Variants in AOAH observed in about 807,000 individuals in gnomAD.
The protein encoded by AOAH is acyloxyacyl hydrolase.
Under a neutral mutation model 92.2 loss-of-function variants are expected in AOAH, and 64 were observed. The ratio of observed to expected loss-of-function variants is 0.69; its 90% CI spans 0.57 to 0.86. The LOEUF (loss-of-function observed/expected upper bound fraction) is 0.86, where lower values mean the gene tolerates loss of function less well. Among genes scored for constraint, AOAH ranks in the 40% least tolerant of loss-of-function variants. The pLI is 0.00. For missense variants in AOAH, 656 were observed against 694.6 expected (o/e 0.94, Z 0.62); for synonymous variants, 263 against 254.5 (o/e 1.03, Z -0.32).
At position 36,532,759 on chromosome 7, in the gene AOAH, G is replaced by C. The variant is rs757161568; in HGVS notation, c.1307-415C>G. ...TGCATGGGGCACAGGGAACATTCGA[G>C]GTGGCGGTTGACCTAATCCCCTTTT... is the stretch of plus-strand genomic sequence containing the variant. On this transcript the variant is annotated intron_variant, in intron 16 of 20. Coordinates refer to ENST00000617537, the MANE Select transcript of AOAH (RefSeq NM_001637.4). Among the ~76,000 whole-genome samples, 5 of 152,300 alleles carry C rather than the reference G, an allele frequency of 3.3e-5. No individual in the cohort carries two copies. The South Asian group carries it at 1.0e-3, about 32-fold the overall frequency.
rs575251267 is a variant in AOAH, at chr7:36,718,347, C to A, written c.127+5675G>T. 1.1e-4 allele frequency among the ~76,000 whole-genome samples: 16 copies of A among 152,260 alleles called. 1 individual carries two copies. Among genetic ancestry groups the A allele is most frequent in the Middle Eastern group, 6.8e-3 (2 of 294 alleles). On this transcript the variant is annotated intron_variant, in intron 1 of 20. Transcript: ENST00000617537. Reference sequence around the variant, plus strand: ...GTGGAGAAGTTACAACTTTCATACACCGCTGGTAGAAATGTAAAATGGTGC... The same window carrying A: ...GTGGAGAAGTTACAACTTTCATACAACGCTGGTAGAAATGTAAAATGGTGC...
intron 2 of AOAH, among the ~76,000 whole-genome samples, chr7:36,684,906 C>CAAAAAAAAAAAAAAAAAAAAAAAA (rs57827044): frequency 1.7e-5 from 1 of 59,988 alleles, no homozygotes; most frequent in Non-Finnish European, 2.9e-5. Flanking sequence ...GACCTTGTCT[C>CAAAAAAAAAAAAAAAAAAAAAAAA]AAAAAAAAAA....
At chr7:36,688,468 AAATT>A (rs1284347846) in intron 1 of AOAH, among the ~76,000 whole-genome samples, 1 of 152,170 alleles carries the variant, frequency 6.6e-6, no homozygotes, top group East Asian at 1.9e-4. Flanking sequence ...GATAATAAAT[AAATT>A]ATTAGAGAGC....
intron 20 of AOAH, among the ~76,000 whole-genome samples, chr7:36,517,218 T>TTCTTTCTTTCTC (rs1562853989): frequency 1.6e-5 from 1 of 62,090 alleles, no homozygotes; most frequent in African/African-American, 4.6e-5. Context: ...TTCTTTCTCT[T>TTCTTTCTTTCTC]TCTTTCTGTC....
chr7:36,543,281 T>C (rs745328658), intron 15 of AOAH, among the ~76,000 whole-genome samples: 8 of 152,194 alleles, frequency 5.3e-5, no homozygotes, highest in South Asian at 2.1e-4. Context: ...TTGATTCCCA[T>C]ATGCACAGAA....
At position 36,523,464 on chromosome 7, in the gene AOAH, G is replaced by A. The variant is rs546254864; in HGVS notation, c.1523-1349C>T. The stretch of plus-strand genomic sequence containing the variant: ...CTAATAGGAAGCTCAGAGCTGCATC[G>A]ATGCTTAAACAGCACTCACTCTCAT... On this transcript the variant is annotated intron_variant, in intron 19 of 20. Transcript: ENST00000617537. Among the ~76,000 whole-genome samples, 118 of 152,224 alleles carry A rather than the reference G, an allele frequency of 7.8e-4. 1 individual carries two copies. Among genetic ancestry groups the A allele is most frequent in the Admixed American group, 5.3e-3 (81 of 15,278 alleles).
intron 3 of AOAH, among the ~76,000 whole-genome samples, chr7:36,670,811 T>G (rs376463191): frequency 4.6e-5 from 7 of 152,272 alleles, no homozygotes; most frequent in African/African-American, 1.7e-4. Flanking sequence ...TATGCCCGCT[T>G]GTCTCTTGTA....
chr7:36,650,198 C>G (rs911743824), intron 4 of AOAH, among the ~76,000 whole-genome samples: 25 of 152,208 alleles, frequency 1.6e-4, no homozygotes, highest in African/African-American at 4.6e-4. Context: ...GCAAGGACCC[C>G]TTGGTAACAA....
At chr7:36,653,176 A>G (rs1794685486) in intron 4 of AOAH, among the ~76,000 whole-genome samples, 1 of 152,190 alleles carries the variant, frequency 6.6e-6, no homozygotes, top group Non-Finnish European at 1.5e-5. Context: ...GTGTGCTGTG[A>G]GCTCATAGGG....
intron 3 of AOAH, among the ~76,000 whole-genome samples, chr7:36,671,631 CT>C (rs1562680692): frequency 2.3e-4 from 34 of 145,774 alleles, no homozygotes; most frequent in African/African-American, 8.7e-4. Flanking sequence ...GTGTGTGCAT[CT>C]GTGTGTGTGC....
Position 36,516,369 on chromosome 7 carries a change from G to C in AOAH, c.1600-2989C>G, listed in dbSNP as rs1311657578. ...CACACACCCCCACAGAAAGCACACA[G>C]ATACCACACACACCCCCACAGAAAG... On this transcript the variant is annotated intron_variant, in intron 20 of 20. Coordinates refer to ENST00000617537, the MANE Select transcript of AOAH (RefSeq NM_001637.4). This position sits in a 1 kb window ranked among gnomAD's most constrained non-coding sequence, Gnocchi z 5.0. 1.1e-5 allele frequency among the ~76,000 whole-genome samples: 1 copy of C among 92,186 alleles called. No individual in the cohort carries two copies. The highest frequency in any genetic ancestry group is 2.0e-5 in the Non-Finnish European group (1 of 50,020). The allele number at this position is 92,186 out of a possible 152,430, so 60.5% of individuals were successfully genotyped here.
At chr7:36,579,528 G>A (rs1227675472) in intron 12 of AOAH, among the ~76,000 whole-genome samples, 3 of 151,766 alleles carry the variant, frequency 2.0e-5, no homozygotes, top group South Asian at 2.1e-4. Context: ...ATATATATAT[G>A]GGGGGGTTTT....
At chr7:36,524,631 G>A (rs934231955) in intron 19 of AOAH, among the ~76,000 whole-genome samples, 2 of 152,018 alleles carry the variant, frequency 1.3e-5, no homozygotes, top group African/African-American at 4.8e-5. Context: ...AGCCAAGATT[G>A]CGCCACTGCA....
chr7:36,520,431 C>T lies in AOAH; in HGVS notation c.1599+1608G>A, dbSNP rs373406818. On this transcript the variant is annotated intron_variant, in intron 20 of 20. Coordinates refer to ENST00000617537, the MANE Select transcript of AOAH (RefSeq NM_001637.4). ...AACTGCTAGAAAGAAGGGGGCCGGGCGCAGTGGCTCACGCCTGTAATCCCA... is the reference window on the plus strand; with the variant it reads ...AACTGCTAGAAAGAAGGGGGCCGGGTGCAGTGGCTCACGCCTGTAATCCCA... Among the ~76,000 whole-genome samples the T allele has an allele frequency of 9.9e-5, 15 of 152,074 alleles. No individual in the cohort carries two copies. In the South Asian group the frequency reaches 1.2e-3, roughly 13 times the overall value.
chr7:36,638,833 G>T (rs894963070), intron 4 of AOAH, among the ~76,000 whole-genome samples: 7 of 152,220 alleles, frequency 4.6e-5, no homozygotes, highest in African/African-American at 1.7e-4. Context: ...TTGCCAGGAT[G>T]CCCTGCTACG....
intron 19 of AOAH, among the ~76,000 whole-genome samples, chr7:36,529,674 T>G (rs908336977): frequency 2.0e-5 from 3 of 152,190 alleles, no homozygotes; most frequent in African/African-American, 7.2e-5. Flanking sequence ...TAGCATTATC[T>G]CATCTGGCAG....
At position 36,522,229 on chromosome 7, in the gene AOAH, C is replaced by T. The variant is rs955606814; in HGVS notation, c.1523-114G>A. On this transcript the variant is annotated intron_variant, in intron 19 of 20. Transcript: ENST00000617537. ...CCTCCCGGGCCCATGTTGACCAAGCCACGGCTGCCTCTGAGCTGCTCTCTT... is the reference window on the plus strand; with the variant it reads ...CCTCCCGGGCCCATGTTGACCAAGCTACGGCTGCCTCTGAGCTGCTCTCTT... The T allele has an allele frequency of 3.6e-6, 3 of 836,192 alleles. No individual in the cohort carries two copies. In the Admixed American group the frequency reaches 6.3e-5, roughly 18 times the overall value. 51.8% of individuals were successfully genotyped at this position (836,192 alleles called of 1,614,324 possible).
intron 15 of AOAH, among the ~76,000 whole-genome samples, chr7:36,543,329 A>G (rs370484336): frequency 5.3e-5 from 8 of 152,292 alleles, no homozygotes; most frequent in South Asian, 2.1e-4. Flanking sequence ...TCTAGGTTCT[A>G]TATTCACTGT....
At chr7:36,525,157 C>T (rs1340269025) in intron 19 of AOAH, among the ~76,000 whole-genome samples, 1 of 152,210 alleles carries the variant, frequency 6.6e-6, no homozygotes, top group African/African-American at 2.4e-5. Context: ...CTCTTAAATA[C>T]TTTCTGACTC....
Sources: allele counts gnomAD v4.1 joint callset (sites outside exome capture counted in the v4.1 genomes callset), GRCh38; gene constraint gnomAD v4.1.1; non-coding constraint Gnocchi (gnomAD v3.1); transcripts MANE v1.5; gene names NCBI Gene and HGNC (gene_info 2026-07-23, HGNC 2026-07-21).